CD37: variants seen among roughly 807,000 people sequenced by gnomAD.
CD37 encodes CD37 molecule.
A neutral mutation model predicts 38.9 loss-of-function variants in CD37; 37 were observed. The observed-to-expected ratio is 0.95, with a 90% CI of 0.73 to 1.25. The LOEUF is 1.25. CD37 is among the 50% of genes most tolerant of loss of function. The pLI is 0.00. For synonymous variants in CD37, 146 were observed against 150.1 expected (o/e 0.97, Z 0.20); for missense variants, 351 against 360.1 (o/e 0.97, Z 0.20).
rs1970988344 is a variant in CD37 at position 49,337,192 on chromosome 19, G to A, written c.313G>A (p.Gly105Arg). Reference protein sequence around the residue: ...LLLFATQITLGILISTQRAQL... With the variant: ...LLLFATQITLRILISTQRAQL... Reference sequence around the variant, plus strand: ...CCTGTTTGCCACACAGATCACCCTGGGAATCCTCATCTCCACTCAGCGGGC... The same window carrying A: ...CCTGTTTGCCACACAGATCACCCTGAGAATCCTCATCTCCACTCAGCGGGC... The change falls in exon 4 of 8, where the codon GGA becomes AGA. Residue 105 changes from glycine to arginine, a missense_variant. Transcript: ENST00000323906. 1.2e-6 allele frequency: 2 copies of A among 1,614,138 alleles called. No individual in the cohort carries two copies. Among genetic ancestry groups the A allele is most frequent in the South Asian group, 1.1e-5 (1 of 91,082 alleles).
chr19:49,340,209 G>A, intron 7 of CD37, 42 bp from the exon 8 acceptor site: 3 of 1,531,216 alleles, frequency 2.0e-6, no homozygotes, highest in Non-Finnish European at 2.7e-6. Context: ...CGTCTCGCCA[G>A]CACCCCTTCG....
rs528743350 is a variant in CD37, at chr19:49,336,231, G to A, written c.142+445G>A. The A allele has an allele frequency of 1.8e-3, 319 of 177,400 alleles. 1 individual carries two copies. Among genetic ancestry groups the A allele is most frequent in the African/African-American group, 7.2e-3 (301 of 41,976 alleles). The allele number at this position is 177,400 out of a possible 1,614,324, so 11.0% of individuals were successfully genotyped here. On this transcript the variant is annotated intron_variant, in intron 2 of 7. Coordinates refer to ENST00000323906, the MANE Select transcript of CD37 (RefSeq NM_001774.3). ...AGTCTTTGCCCTGTGTTGAGGACTGGGTTGAACACATGTCCTCATGTGTCT... is the reference window on the plus strand; with the variant it reads ...AGTCTTTGCCCTGTGTTGAGGACTGAGTTGAACACATGTCCTCATGTGTCT...
In CD37 at chr19:49,338,566, C is replaced by T. The variant is rs1971046858; in HGVS notation, c.448-134C>T. The T allele has an allele frequency of 1.4e-6, 1 of 690,046 alleles. No individual in the cohort carries two copies. The highest frequency in any genetic ancestry group is 2.6e-6 in the Non-Finnish European group (1 of 386,080). 42.7% of individuals were successfully genotyped at this position (690,046 alleles called of 1,614,324 possible). A position where few individuals can be genotyped will look rare whatever the true frequency, so the allele number is the denominator to read the frequency against. The stretch of plus-strand genomic sequence containing the variant: ...CTCCGGCCCCATCGTGACCCCAGCC[C>T]ACTGTCCCCCACTCCACACCCACCA... On this transcript the variant is annotated intron_variant, in intron 5 of 7. Transcript: ENST00000323906. The surrounding 1 kb of genome is among the most constrained non-coding windows in gnomAD (Gnocchi z 5.0).
In CD37 at chr19:49,337,992, C is replaced by G; in HGVS notation, c.410C>G (p.Thr137Ser). The G allele has an allele frequency of 6.2e-7, 1 of 1,614,088 alleles. No individual in the cohort carries two copies. The highest frequency in any genetic ancestry group is 8.5e-7 in the Non-Finnish European group (1 of 1,179,992). ...IQKYGTNPEETAAEESWDYVQ... is the reference protein window; with the variant it reads ...IQKYGTNPEESAAEESWDYVQ... Reference sequence around the variant, plus strand: ...AAGTACGGCACCAACCCCGAGGAGACCGCGGCCGAGGAGAGCTGGGACTAT... The same window carrying G: ...AAGTACGGCACCAACCCCGAGGAGAGCGCGGCCGAGGAGAGCTGGGACTAT... Residue 137 changes from threonine (T) to serine (S), a missense_variant, in exon 5 of 8, where the codon ACC (threonine) becomes AGC (serine). Coordinates refer to ENST00000323906, the MANE Select transcript of CD37 (RefSeq NM_001774.3).
rs1970928418 is a variant in CD37, at chr19:49,335,736, G to C, written c.92G>C (p.Cys31Ser). The change falls in exon 2 of 8, where the codon TGC (cysteine) becomes TCC (serine). Residue 31 changes from cysteine to serine, a missense_variant. Transcript: ENST00000323906. The surrounding 1 kb of genome is among the most constrained non-coding windows in gnomAD (Gnocchi z 4.6). Reference sequence around the variant, plus strand: ...CAGGTCCTCGGCAGCCTGATCTTCTGCTTCGGCATCTGGATCCTCATTGAC... The same window carrying C: ...CAGGTCCTCGGCAGCCTGATCTTCTCCTTCGGCATCTGGATCCTCATTGAC... ...FFFVLGSLIFCFGIWILIDKT... is the reference protein window; with the variant it reads ...FFFVLGSLIFSFGIWILIDKT... 1 of 1,613,914 alleles carries C rather than the reference G, an allele frequency of 6.2e-7. No individual in the cohort carries two copies. Among genetic ancestry groups the C allele is most frequent in the African/African-American group, 1.3e-5 (1 of 75,018 alleles).
chr19:49,340,109 G>A (rs112054750), intron 7 of CD37, 142 bp from the exon 8 acceptor site: 9 of 1,536,870 alleles, frequency 5.9e-6, no homozygotes. Context: ...GTCGAGCCCC[G>A]CCCTTTTCTA....
At position 49,338,613 on chromosome 19, in the gene CD37, C is replaced by A; in HGVS notation, c.448-87C>A. The A allele has an allele frequency of 1.0e-6, 1 of 970,992 alleles. No individual in the cohort carries two copies. 60.1% of individuals were successfully genotyped at this position (970,992 alleles called of 1,614,324 possible). A position where few individuals can be genotyped will look rare whatever the true frequency, so the allele number is the denominator to read the frequency against. ...ACCACTTAGTCCCCTGCTCCCCGAC[C>A]TGACCTCATACCCATCACCTTGTCC... On this transcript the variant is annotated intron_variant, in intron 5 of 7. Coordinates refer to ENST00000323906, the MANE Select transcript of CD37 (RefSeq NM_001774.3). This position sits in a 1 kb window ranked among gnomAD's most constrained non-coding sequence, Gnocchi z 5.0.
In CD37 at chr19:49,339,063, G is replaced by A. The variant is rs1971080936; in HGVS notation, c.684+127G>A. On this transcript the variant is annotated intron_variant, in intron 6 of 7. Coordinates refer to ENST00000323906, the MANE Select transcript of CD37 (RefSeq NM_001774.3). This position sits in a 1 kb window ranked among gnomAD's most constrained non-coding sequence, Gnocchi z 4.5. ...AGAAAAGGAAAGGTACGGCAGGAGG[G>A]GCGGGGCCCTCTGAAGGGGGCGGGG... is the stretch of plus-strand genomic sequence containing the variant. 2.5e-6 allele frequency: 2 copies of A among 811,940 alleles called. No individual in the cohort carries two copies. Among genetic ancestry groups the A allele is most frequent in the Non-Finnish European group, 4.0e-6 (2 of 504,506 alleles). 50.3% of individuals were successfully genotyped at this position (811,940 alleles called of 1,614,324 possible). A position where few individuals can be genotyped will look rare whatever the true frequency, so the allele number is the denominator to read the frequency against.
At chr19:49,340,131 C>G in intron 7 of CD37, 120 bp from the exon 8 acceptor site, 1 of 1,534,464 alleles carries the variant, frequency 6.5e-7, no homozygotes, top group East Asian at 2.3e-5. Context: ...CTATCCCCTT[C>G]TCCAGCCCCT....
rs1165275030 is a variant in CD37 at position 49,339,660 on chromosome 19, G to A, written c.768+247G>A. ...ATCTCCCTCCCCTTTCTCCGCAGAT[G>A]ACTGTCATGGTGCTGAGCGTACAGC... is the stretch of plus-strand genomic sequence containing the variant. On this transcript the variant is annotated intron_variant, in intron 7 of 7. Transcript: ENST00000323906. The surrounding 1 kb of genome is among the most constrained non-coding windows in gnomAD (Gnocchi z 4.5). 4 of 1,428,844 alleles carry A rather than the reference G, an allele frequency of 2.8e-6. No individual in the cohort carries two copies. Among genetic ancestry groups the A allele is most frequent in the South Asian group, 1.5e-5 (1 of 66,382 alleles). 88.5% of individuals were successfully genotyped at this position (1,428,844 alleles called of 1,614,324 possible).
At position 49,335,663 on chromosome 19, in the gene CD37, C is replaced by T. The variant is rs770752148; in HGVS notation, c.70-51C>T. ...GGCCCAGCCCCTGCCGCTAACCCAG[C>T]CCTCATCTTCCCCTGTGGCCCACCC... is the stretch of plus-strand genomic sequence containing the variant. On this transcript the variant is annotated intron_variant, in intron 1 of 7. Transcript: ENST00000323906. This position sits in a 1 kb window ranked among gnomAD's most constrained non-coding sequence, Gnocchi z 4.6. The T allele has an allele frequency of 6.2e-7, 1 of 1,608,168 alleles. No individual in the cohort carries two copies. Among genetic ancestry groups the T allele is most frequent in the Admixed American group, 1.7e-5 (1 of 60,014 alleles).
chr19:49,337,054 C>T (rs200087875), intron 3 of CD37, 21 bp downstream of exon 3: 73 of 1,613,210 alleles, frequency 4.5e-5, no homozygotes, highest in East Asian at 4.5e-5. Flanking sequence ...CATCCCTCTC[C>T]GTCCCTAGGA....
rs371560109 is a variant in CD37, at chr19:49,335,913, C to T, written c.142+127C>T. ...AGGCTACAGGCTCCCATCCACTGCT[C>T]ACCGGAGGCTTCTTGGAGCCTGAGT... On this transcript the variant is annotated intron_variant, in intron 2 of 7. Coordinates refer to ENST00000323906, the MANE Select transcript of CD37 (RefSeq NM_001774.3). The surrounding 1 kb of genome is among the most constrained non-coding windows in gnomAD (Gnocchi z 4.6). 3 of 749,772 alleles carry T rather than the reference C, an allele frequency of 4.0e-6. No homozygotes were observed. The highest frequency in any genetic ancestry group is 4.6e-6 in the Non-Finnish European group (2 of 435,756). The allele number at this position is 749,772 out of a possible 1,614,324, so 46.4% of individuals were successfully genotyped here. A position where few individuals can be genotyped will look rare whatever the true frequency, so the allele number is the denominator to read the frequency against.
chr19:49,340,049 C>G (rs934831466), intron 7 of CD37: 61 of 1,501,286 alleles, frequency 4.1e-5, no homozygotes, highest in Non-Finnish European at 5.1e-5. Context: ...CCTCTACCCC[C>G]ACTTGTAGCA....
Position 49,338,641 on chromosome 19 carries a change from T to C in CD37, c.448-59T>C. ...ACCTCATACCCATCACCTTGTCCCC[T>C]GATCCCCAACATCATATGTCTCCAG... On this transcript the variant is annotated intron_variant, in intron 5 of 7. Transcript: ENST00000323906. The surrounding 1 kb of genome is among the most constrained non-coding windows in gnomAD (Gnocchi z 5.0). 7.7e-7 allele frequency: 1 copy of C among 1,297,762 alleles called. No individual in the cohort carries two copies. The highest frequency in any genetic ancestry group is 1.4e-5 in the African/African-American group (1 of 69,078). The allele number at this position is 1,297,762 out of a possible 1,614,324, so 80.4% of individuals were successfully genotyped here. A position where few individuals can be genotyped will look rare whatever the true frequency, so the allele number is the denominator to read the frequency against.
chr19:49,340,115 T>G, intron 7 of CD37, 136 bp from the exon 8 acceptor site: 4 of 1,539,180 alleles, frequency 2.6e-6, no homozygotes, highest in South Asian at 1.2e-5. Flanking sequence ...CCCCGCCCTT[T>G]TCTACCTATC....
At position 49,338,679 on chromosome 19, in the gene CD37, T is replaced by A. The variant is rs375618908; in HGVS notation, c.448-21T>A. The A allele has an allele frequency of 4.7e-5, 74 of 1,574,896 alleles. No individual in the cohort carries two copies. In the African/African-American group the frequency reaches 9.4e-4, roughly 20 times the overall value. ...CATATGTCTCCAGTCCCGGTCCCTC[T>A]GACTCGTATCCCTCTCCCAGCTGCG... On this transcript the variant is annotated intron_variant, in intron 5 of 7. Coordinates refer to ENST00000323906, the MANE Select transcript of CD37 (RefSeq NM_001774.3). This position sits in a 1 kb window ranked among gnomAD's most constrained non-coding sequence, Gnocchi z 5.0.
Position 49,338,954 on chromosome 19 carries a change from G to A in CD37, c.684+18G>A. The A allele has an allele frequency of 1.3e-6, 2 of 1,593,398 alleles. No homozygotes were observed. Among genetic ancestry groups the A allele is most frequent in the Admixed American group, 3.3e-5 (2 of 59,860 alleles). ...ACCGCGAGGTGGGCAGGGGTTCGGA[G>A]CATAAACCTGTCGAATGGGGCGGGG... On this transcript the variant is annotated intron_variant, in intron 6 of 7. Transcript: ENST00000323906. This position sits in a 1 kb window ranked among gnomAD's most constrained non-coding sequence, Gnocchi z 5.0.
Position 49,337,975 on chromosome 19 carries a change from C to CACCA in CD37, c.397_400dup (p.Pro134GlnfsTer38). 6.2e-7 allele frequency: 1 copy of CACCA among 1,614,120 alleles called. No individual in the cohort carries two copies. The highest frequency in any genetic ancestry group is 8.5e-7 in the Non-Finnish European group (1 of 1,179,998). On this transcript the variant is annotated frameshift_variant, in exon 5 of 8. Coordinates refer to ENST00000323906, the MANE Select transcript of CD37 (RefSeq NM_001774.3). LOFTEE classifies it high-confidence loss of function. Reference sequence around the variant, plus strand: ...TAGAGAAAACCATCCAAAAGTACGGCACCAACCCCGAGGAGACCGCGGCCG... The same window carrying CACCA: ...TAGAGAAAACCATCCAAAAGTACGGCACCAACCAACCCCGAGGAGACCGCGGCCG...
Sources: gnomAD v4.1 joint callset for allele counts on GRCh38, gnomAD v4.1.1 for gene constraint, Gnocchi (gnomAD v3.1) non-coding constraint, MANE v1.5 for transcripts, NCBI Gene and HGNC (gene_info 2026-07-23, HGNC 2026-07-21) for gene names.